Variants in MLIP observed in about 807,000 individuals in gnomAD.
The protein encoded by MLIP is muscular LMNA interacting protein.
A neutral mutation model predicts 84.8 loss-of-function variants in MLIP; 79 were observed. That is an observed-to-expected ratio of 0.93 (90% CI 0.78 to 1.12). MLIP has a LOEUF of 1.12. Ranked by LOEUF, MLIP falls within the 50% of genes most tolerant of loss-of-function variation. The pLI is 0.00. For missense variants in MLIP, 1,257 were observed against 1,160.6 expected (o/e 1.08, Z -1.21); for synonymous variants, 504 against 463.0 (o/e 1.09, Z -1.14).
chr6:54,093,698 C>A (rs1582123553), intron 1 of MLIP, among the ~76,000 whole-genome samples: 3 of 152,158 alleles, frequency 2.0e-5, no homozygotes, highest in African/African-American at 7.2e-5. Context: ...CAACTGTGAC[C>A]CATTACTCCT....
At chr6:54,073,738 G>T (rs982867846) in intron 1 of MLIP, among the ~76,000 whole-genome samples, 1 of 152,102 alleles carries the variant, frequency 6.6e-6, no homozygotes, top group Non-Finnish European at 1.5e-5. Flanking sequence ...TAGCTTAGAG[G>T]ACAGCTCACA....
chr6:54,185,144 T>A (rs977420907), intron 9 of MLIP, among the ~76,000 whole-genome samples: 3 of 152,202 alleles, frequency 2.0e-5, no homozygotes, highest in African/African-American at 7.2e-5. Context: ...ATTATAGCTA[T>A]AACTTCTAAT....
Position 54,149,065 on chromosome 6 carries a change from A to G in MLIP, c.2227A>G (p.Thr743Ala). Residue 743 changes from threonine (T) to alanine (A), a missense_variant, in exon 5 of 14, where the codon ACC (threonine) becomes GCC (alanine). Transcript: ENST00000502396. ...PENKKSKQYK[T>A]KSSYKAFAAI... ...TGGTTGCCCATTCTAGCAATACAAG[A>G]CCAAGTCAAGCTACAAGGCTTTTGC... The G allele has an allele frequency of 1.2e-6, 2 of 1,612,878 alleles. No homozygotes were observed. The highest frequency in any genetic ancestry group is 1.7e-6 in the Non-Finnish European group (2 of 1,179,204).
chr6:54,053,636 G>A (rs189616568), intron 1 of MLIP, among the ~76,000 whole-genome samples: 11 of 152,276 alleles, frequency 7.2e-5, no homozygotes, highest in East Asian at 3.9e-4. Flanking sequence ...GTGACTGTGG[G>A]CAAGTAACTG....
chr6:54,239,761 T>A (rs77818915), intron 12 of MLIP, among the ~76,000 whole-genome samples: 18,449 of 151,856 alleles, frequency 0.12, 1,503 homozygotes, highest in African/African-American at 0.22. Flanking sequence ...CACTCCAGTC[T>A]GGGTGACAGA....
intron 11 of MLIP, among the ~76,000 whole-genome samples, chr6:54,212,786 T>A (rs955062206): frequency 6.6e-6 from 1 of 152,244 alleles, no homozygotes; most frequent in Non-Finnish European, 1.5e-5. Context: ...ATTTTCAAAA[T>A]TAAATATGTC....
chr6:54,190,520 G>T (rs1156731470), intron 10 of MLIP, among the ~76,000 whole-genome samples: 2 of 151,934 alleles, frequency 1.3e-5, no homozygotes, highest in Non-Finnish European at 2.9e-5. Flanking sequence ...TAAAAATTGA[G>T]ATATTTTTAC....
chr6:54,107,580 A>T (rs749845602), upstream of MLIP, among the ~76,000 whole-genome samples: 23 of 152,168 alleles, frequency 1.5e-4, no homozygotes, highest in Non-Finnish European at 2.4e-4. Flanking sequence ...CAGAAATAGG[A>T]CCTAGGAGTG....
At chr6:54,110,777 A>G (rs951465577), upstream of MLIP, among the ~76,000 whole-genome samples, 4 of 152,226 alleles carry the variant, frequency 2.6e-5, no homozygotes, top group East Asian at 1.9e-4. Context: ...ACTCCAATCA[A>G]TTTCACATAT....
chr6:54,228,925 A>G (rs571374545), intron 11 of MLIP, among the ~76,000 whole-genome samples: 1 of 152,366 alleles, frequency 6.6e-6, no homozygotes, highest in South Asian at 2.1e-4. Context: ...ACTTGCTAAA[A>G]CAATGAAATG....
At chr6:54,029,517 T>G (rs1180479613) in intron 1 of MLIP, 6 of 152,354 alleles carry the variant, frequency 3.9e-5, no homozygotes, top group Non-Finnish European at 8.8e-5. Flanking sequence ...ACCCTGATCT[T>G]GGGCTTCCCG....
intron 1 of MLIP, among the ~76,000 whole-genome samples, chr6:54,113,476 C>T (rs755438466): frequency 1.3e-5 from 2 of 152,038 alleles, no homozygotes; most frequent in Admixed American, 6.6e-5. Flanking sequence ...ATCCTTCCTA[C>T]AATATAAAGC....
intron 2 of MLIP, among the ~76,000 whole-genome samples, chr6:54,123,552 T>A (rs1226368805): frequency 6.6e-6 from 1 of 152,202 alleles, no homozygotes; most frequent in East Asian, 1.9e-4. Context: ...TGATTTGACT[T>A]CTGTCTTCAT....
At chr6:54,203,267 C>A (rs183950057) in intron 11 of MLIP, among the ~76,000 whole-genome samples, 35 of 152,048 alleles carry the variant, frequency 2.3e-4, no homozygotes, top group African/African-American at 7.7e-4. Flanking sequence ...AGAGTATGGG[C>A]TATATATTTT....
chr6:54,217,148 A>G, intron 11 of MLIP: 1 of 985,402 alleles, frequency 1.0e-6, no homozygotes, highest in Non-Finnish European at 1.2e-6. Context: ...TACCTATGGT[A>G]CTCTGAGTTC....
intron 11 of MLIP, among the ~76,000 whole-genome samples, chr6:54,223,072 T>C (rs534362723): frequency 1.3e-5 from 2 of 152,146 alleles, no homozygotes; most frequent in African/African-American, 4.8e-5. Context: ...TTAATTGAGT[T>C]ATTTGTGCTT....
chr6:54,213,986 A>G (rs988198110), intron 11 of MLIP, among the ~76,000 whole-genome samples: 2 of 152,114 alleles, frequency 1.3e-5, no homozygotes, highest in African/African-American at 4.8e-5. Flanking sequence ...GAGCATAGCC[A>G]TTTATTTTTT....
intron 12 of MLIP, among the ~76,000 whole-genome samples, chr6:54,237,052 T>C (rs1019005025): frequency 3.3e-5 from 5 of 151,868 alleles, no homozygotes; most frequent in African/African-American, 4.8e-5. Flanking sequence ...ATGAGGGTGA[T>C]TGTACCTTTG....
chr6:54,143,715 G>A (rs977279340), intron 4 of MLIP, among the ~76,000 whole-genome samples: 1 of 152,156 alleles, frequency 6.6e-6, no homozygotes, highest in African/African-American at 2.4e-5. Context: ...TCTAGGACTT[G>A]AACCATAGAC....
Sources: allele counts gnomAD v4.1 joint callset (sites outside exome capture counted in the v4.1 genomes callset), GRCh38; gene constraint gnomAD v4.1.1; transcripts MANE v1.5; gene names NCBI Gene and HGNC (gene_info 2026-07-23, HGNC 2026-07-21).